LNPK: variants seen among roughly 807,000 people sequenced by gnomAD.
LNPK encodes endoplasmic reticulum junction formation protein lunapark.
LNPK carries 29 observed loss-of-function variants against 55.2 expected under a neutral mutation model. That is an observed-to-expected ratio of 0.53 (90% CI 0.39 to 0.72). The LOEUF is 0.72. LNPK is among the 30% of genes least tolerant of loss of function. LNPK has a pLI of 0.00. For missense variants in LNPK, 467 were observed against 494.8 expected (o/e 0.94, Z 0.53); for synonymous variants, 162 against 168.2 (o/e 0.96, Z 0.29).
At chr2:175,993,596 A>T (rs1574903777) in intron 2 of LNPK, among the ~76,000 whole-genome samples, 1 of 152,110 alleles carries the variant, frequency 6.6e-6, no homozygotes, top group East Asian at 1.9e-4. Context: ...ACTTAGGGTC[A>T]GGAGTTTGAG....
intron 2 of LNPK, chr2:175,994,051 G>T: frequency 2.9e-6 from 1 of 344,050 alleles, no homozygotes; most frequent in Non-Finnish European, 4.1e-6. Context: ...TTATAGCAAA[G>T]CTTGTTTGCC....
chr2:175,986,781 T>G (rs1687434932), intron 4 of LNPK, among the ~76,000 whole-genome samples: 1 of 151,706 alleles, frequency 6.6e-6, no homozygotes, highest in Admixed American at 6.6e-5. Flanking sequence ...AGGTAGAAAA[T>G]TCCTTAACAT....
chr2:175,970,139 A>C (rs1269605092), intron 6 of LNPK, among the ~76,000 whole-genome samples: 2 of 152,164 alleles, frequency 1.3e-5, no homozygotes, highest in African/African-American at 4.8e-5. Flanking sequence ...TCAAACACCA[A>C]CTTCAATTCA....
chr2:175,997,736 TATAA>T (rs1380906801), intron 1 of LNPK, among the ~76,000 whole-genome samples: 27 of 129,298 alleles, frequency 2.1e-4, no homozygotes, highest in Admixed American at 3.2e-4. Context: ...TGTGTGTGTG[TATAA>T]ATATAATTTT....
At chr2:175,946,159 C>T (rs1296967270) in intron 9 of LNPK, among the ~76,000 whole-genome samples, 1 of 152,056 alleles carries the variant, frequency 6.6e-6, no homozygotes, top group Admixed American at 6.6e-5. Context: ...CCTTCTATAG[C>T]CCTATTCTTA....
At chr2:175,966,708 T>C (rs1473661778) in intron 6 of LNPK, among the ~76,000 whole-genome samples, 1 of 152,234 alleles carries the variant, frequency 6.6e-6, no homozygotes, top group Non-Finnish European at 1.5e-5. Context: ...TAAGTAATAA[T>C]ATGTTTTAAA....
rs577812924 is a variant in LNPK, at chr2:175,987,153, C to T, written c.257+5078G>A. ...GAAAATCACTAGAAATACCATTTGACCCAGCCATCCCATTACTGGGTATAT... is the reference window on the plus strand; with the variant it reads ...GAAAATCACTAGAAATACCATTTGATCCAGCCATCCCATTACTGGGTATAT... On this transcript the variant is annotated intron_variant, in intron 4 of 12. Coordinates refer to ENST00000272748, the MANE Select transcript of LNPK (RefSeq NM_030650.3). Among the ~76,000 whole-genome samples, 9 of 152,032 alleles carry T rather than the reference C, an allele frequency of 5.9e-5. No homozygotes were observed. The South Asian group carries it at 1.2e-3, about 21-fold the overall frequency.
chr2:175,997,122 A>G (rs1371435597), intron 1 of LNPK, among the ~76,000 whole-genome samples: 3 of 152,246 alleles, frequency 2.0e-5, no homozygotes, highest in Non-Finnish European at 4.4e-5. Flanking sequence ...AGTTTCTCAG[A>G]AAAGTAACAA....
chr2:175,980,012 C>T (rs1424905303), intron 4 of LNPK, 144 bp from the exon 5 acceptor site: 4 of 723,228 alleles, frequency 5.5e-6, no homozygotes, highest in Non-Finnish European at 8.4e-6. Flanking sequence ...GCGTTTATTT[C>T]TGCCAGAGAA....
In LNPK at chr2:175,934,175, A is replaced by C. The variant is rs568428486; in HGVS notation, c.1054+3169T>G. Among the ~76,000 whole-genome samples, 35 of 152,344 alleles carry C rather than the reference A, an allele frequency of 2.3e-4. No individual in the cohort carries two copies. The East Asian group carries it at 5.0e-3, about 22-fold the overall frequency. On this transcript the variant is annotated intron_variant, in intron 12 of 12. Transcript: ENST00000272748. ...ATCTTGAGAAGGCTGCACATAAGTA[A>C]ATATAAACAAAGGTATAAAAAGATT...
chr2:175,932,981 T>G (rs1212175551), intron 12 of LNPK, among the ~76,000 whole-genome samples: 1 of 152,054 alleles, frequency 6.6e-6, no homozygotes, highest in Non-Finnish European at 1.5e-5. Context: ...GACTAAGACA[T>G]GAAACAATTA....
intron 8 of LNPK, among the ~76,000 whole-genome samples, chr2:175,950,334 G>A (rs978365970): frequency 3.9e-5 from 6 of 152,084 alleles, no homozygotes; most frequent in Admixed American, 3.9e-4. Flanking sequence ...AAGAGCTAGT[G>A]TTTGACAGTA....
At chr2:175,980,214 T>C (rs1687106167) in intron 4 of LNPK, among the ~76,000 whole-genome samples, 2 of 152,208 alleles carry the variant, frequency 1.3e-5, no homozygotes, top group Non-Finnish European at 2.9e-5. Flanking sequence ...CCTTACTAAG[T>C]AAGCATCAAT....
At chr2:175,948,336 A>T (rs1240665884) in intron 8 of LNPK, among the ~76,000 whole-genome samples, 2 of 152,256 alleles carry the variant, frequency 1.3e-5, no homozygotes, top group Non-Finnish European at 2.9e-5. Flanking sequence ...AACAGGGGTC[A>T]GCAAGCATGC....
At chr2:176,000,350 A>C (rs897260987) in intron 1 of LNPK, among the ~76,000 whole-genome samples, 1 of 152,330 alleles carries the variant, frequency 6.6e-6, no homozygotes, top group African/African-American at 2.4e-5. Context: ...ACTTCATAGA[A>C]TTGTTGTATA....
rs748482806 is a variant in LNPK, at chr2:176,002,225, G to A, written c.-128C>T. 46 of 452,084 alleles carry A rather than the reference G, an allele frequency of 1.0e-4. 1 individual carries two copies. Among genetic ancestry groups the A allele is most frequent in the South Asian group, 5.3e-4 (34 of 64,112 alleles). The allele number at this position is 452,084 out of a possible 1,614,324, so 28.0% of individuals were successfully genotyped here. A position where few individuals can be genotyped will look rare whatever the true frequency, so the allele number is the denominator to read the frequency against. ...CGCCAGTCTCGGCCGCCACCGCCCA[G>A]CCTGCCTCCAGAGCAGGCAGCAGCC... On this transcript the variant is annotated 5_prime_UTR_variant, in exon 1 of 13. Coordinates refer to ENST00000272748, the MANE Select transcript of LNPK (RefSeq NM_030650.3).
intron 9 of LNPK, among the ~76,000 whole-genome samples, chr2:175,947,233 A>C (rs912887921): frequency 4.6e-5 from 7 of 152,234 alleles, no homozygotes; most frequent in African/African-American, 1.7e-4. Context: ...GAATAATACA[A>C]AGTTTTATTG....
At chr2:175,956,380 A>G (rs1397158913) in intron 8 of LNPK, among the ~76,000 whole-genome samples, 1 of 151,896 alleles carries the variant, frequency 6.6e-6, no homozygotes, top group East Asian at 1.9e-4. Flanking sequence ...ACCTATTCCT[A>G]TAACTTTGCA....
chr2:175,964,377 C>G lies in LNPK; in HGVS notation c.488G>C (p.Gly163Ala), dbSNP rs374292322. The G allele has an allele frequency of 6.2e-7, 1 of 1,612,736 alleles. No homozygotes were observed. The highest frequency in any genetic ancestry group is 1.3e-5 in the African/African-American group (1 of 74,886). ...SAGAAVTARP[G>A]QEIRQRTAAQ... ...GTTTCTACTAAGTTATTTACCTTGT[C>G]CAGGTCTTGCAGTTACAGCTGCTCC... is the stretch of plus-strand genomic sequence containing the variant. Residue 163 changes from glycine (G) to alanine (A), a missense_variant, in exon 8 of 13, where the codon GGA becomes GCA. By Grantham distance (60) the Gly-to-Ala change is moderately conservative. Transcript: ENST00000272748.
Sources: allele counts gnomAD v4.1 joint callset (sites outside exome capture counted in the v4.1 genomes callset), GRCh38; gene constraint gnomAD v4.1.1; transcripts MANE v1.5; gene names NCBI Gene and HGNC (gene_info 2026-07-23, HGNC 2026-07-21).